VPS13D: variants seen among roughly 807,000 people sequenced by gnomAD.
The protein encoded by VPS13D is intermembrane lipid transfer protein VPS13D.
Under a neutral mutation model 461.9 loss-of-function variants are expected in VPS13D, and 187 were observed. The observed-to-expected ratio is 0.40, with a 90% confidence interval of 0.36 to 0.46. VPS13D has a LOEUF of 0.46. VPS13D is among the 20% of genes least tolerant of loss of function. The probability of loss-of-function intolerance (pLI) is 0.60; values close to 1 mark genes in which losing one functional copy is unlikely to be tolerated. For missense variants in VPS13D, 4,711 were observed against 5,364.9 expected, an observed-to-expected ratio of 0.88 and a Z score of 3.81; for synonymous variants, 1,951 against 1,986.3, an observed-to-expected ratio of 0.98 and a Z score of 0.47.
At chr1:12,377,205 A>G (rs981216580) in intron 55 of VPS13D, among the ~76,000 whole-genome samples, 4 of 151,734 alleles carry the variant, frequency 2.6e-5, no homozygotes, top group African/African-American at 4.8e-5. Flanking sequence ...GATTACAGGC[A>G]TGCGCCACCA....
intron 24 of VPS13D, among the ~76,000 whole-genome samples, chr1:12,298,850 TC>T (rs146704312): frequency 0.028 from 4,260 of 152,290 alleles, 110 homozygotes; most frequent in African/African-American, 0.061. Flanking sequence ...TTTATTGCTT[TC>T]TAAAGTCGTG....
chr1:12,471,971 C>T (rs1645568794), intron 67 of VPS13D, among the ~76,000 whole-genome samples: 1 of 152,126 alleles, frequency 6.6e-6, no homozygotes, highest in Non-Finnish European at 1.5e-5. Flanking sequence ...AAACACTCTT[C>T]TGTATGTGTA....
intron 41 of VPS13D, 58 bp downstream of exon 41, chr1:12,341,943 C>A (rs1329172384): frequency 6.4e-7 from 1 of 1,561,826 alleles, no homozygotes; most frequent in African/African-American, 1.4e-5. Flanking sequence ...CTTCTTGTGC[C>A]AGCCCAGTAG....
chr1:12,447,535 T>C (rs1645208542), intron 65 of VPS13D, among the ~76,000 whole-genome samples: 1 of 152,188 alleles, frequency 6.6e-6, no homozygotes, highest in African/African-American at 2.4e-5. Flanking sequence ...CCTTACCTAC[T>C]CTGCCACACA....
At chr1:12,458,962 A>C (rs890572562) in intron 66 of VPS13D, among the ~76,000 whole-genome samples, 6 of 152,226 alleles carry the variant, frequency 3.9e-5, no homozygotes, top group African/African-American at 1.4e-4. Context: ...GCCAGCTTTC[A>C]CAGCTTTTTG....
chr1:12,244,193 A>G, intron 3 of VPS13D, 53 bp from the exon 4 acceptor site: 1 of 1,527,132 alleles, frequency 6.5e-7, no homozygotes, highest in South Asian at 1.3e-5. Context: ...CAAAAAATGG[A>G]AAGAATTAAA....
Position 12,283,116 on chromosome 1 carries a change from C to T in VPS13D, c.5014C>T (p.Leu1672=), listed in dbSNP as rs1330854347. The T allele has an allele frequency of 6.2e-7, 1 of 1,614,136 alleles. No individual in the cohort carries two copies. The highest frequency in any genetic ancestry group is 8.5e-7 in the Non-Finnish European group (1 of 1,180,016). The change falls in exon 21 of 70, where the codon CTG becomes TTG. Residue 1672 remains leucine (L), a synonymous_variant. Transcript: ENST00000620676. ...LSIQIALHSL[L]MEDLLEKNPD... ...TATTCAGATTGCCCTGCATTCTCTG[C>T]TGATGGAGGACTTATTGGAGAAGAA... is the stretch of plus-strand genomic sequence containing the variant.
At chr1:12,254,993 T>A (rs1002565428) in intron 7 of VPS13D, among the ~76,000 whole-genome samples, 5 of 152,018 alleles carry the variant, frequency 3.3e-5, no homozygotes, top group Non-Finnish European at 7.4e-5. Flanking sequence ...TTGCCCGGGC[T>A]GGAGTGCAGT....
At chr1:12,368,440 T>C in intron 52 of VPS13D, 28 bp from the exon 53 acceptor site, 1 of 1,581,816 alleles carries the variant, frequency 6.3e-7, no homozygotes, top group Non-Finnish European at 8.6e-7. Context: ...ACATTTTATG[T>C]AGCCTCTTTT....
intron 60 of VPS13D, among the ~76,000 whole-genome samples, chr1:12,388,100 A>G (rs1342827048): frequency 6.6e-6 from 1 of 152,228 alleles, no homozygotes; most frequent in African/African-American, 2.4e-5. Context: ...AGTAAGAGTG[A>G]GATTCTTATC....
In VPS13D at chr1:12,315,242, G is replaced by T. The variant is rs545240595; in HGVS notation, c.7148+915G>T. On this transcript the variant is annotated intron_variant, in intron 30 of 69. Coordinates refer to ENST00000620676, the MANE Select transcript of VPS13D (RefSeq NM_015378.4). Reference sequence around the variant, plus strand: ...GTAAAAAGATTGTGAAAAACTTTGTGTTTAAGCAAAAAACAGAACAAAAAG... The same window carrying T: ...GTAAAAAGATTGTGAAAAACTTTGTTTTTAAGCAAAAAACAGAACAAAAAG... Among the ~76,000 whole-genome samples the T allele has an allele frequency of 8.5e-5, 13 of 152,278 alleles. No individual in the cohort carries two copies. In the East Asian group the frequency reaches 2.5e-3, roughly 29 times the overall value.
intron 68 of VPS13D, among the ~76,000 whole-genome samples, chr1:12,504,404 T>C (rs1464145287): frequency 6.6e-6 from 1 of 152,192 alleles, no homozygotes; most frequent in Non-Finnish European, 1.5e-5. Context: ...TCCAGAAATA[T>C]GTTATTATCA....
At chr1:12,401,094 G>T (rs1213456423) in intron 61 of VPS13D, among the ~76,000 whole-genome samples, 1 of 151,954 alleles carries the variant, frequency 6.6e-6, no homozygotes, top group African/African-American at 2.4e-5. Flanking sequence ...TTTACCAAAA[G>T]CAGATAGTTA....
At position 12,277,500 on chromosome 1, in the gene VPS13D, G is replaced by C; in HGVS notation, c.3912G>C (p.Thr1304=). The C allele has an allele frequency of 6.2e-7, 1 of 1,614,082 alleles. No individual in the cohort carries two copies. The highest frequency in any genetic ancestry group is 8.5e-7 in the Non-Finnish European group (1 of 1,180,022). The change falls in exon 19 of 70, where the codon ACG becomes ACC. Residue 1304 remains threonine, a synonymous_variant. Transcript: ENST00000620676. ...CTGCTAAGTTTTTGAAGGAGTTGACGTTATCCATGGATGAACTGGAAGAAA... is the reference window on the plus strand; with the variant it reads ...CTGCTAAGTTTTTGAAGGAGTTGACCTTATCCATGGATGAACTGGAAGAAA... The part of the protein sequence containing the change: ...NHSAKFLKEL[T]LSMDELEENF...
intron 65 of VPS13D, among the ~76,000 whole-genome samples, chr1:12,430,772 G>A (rs753797847): frequency 2.0e-5 from 3 of 152,222 alleles, no homozygotes; most frequent in Non-Finnish European, 4.4e-5. Context: ...GCCAGATTGT[G>A]TGAATGCTTG....
At chr1:12,325,068 A>C (rs931503972) in intron 35 of VPS13D, among the ~76,000 whole-genome samples, 1 of 151,914 alleles carries the variant, frequency 6.6e-6, no homozygotes, top group African/African-American at 2.4e-5. Context: ...CACAGGCTGC[A>C]TTTCCTTCCA....
At chr1:12,443,218 AC>A (rs1645151231) in intron 65 of VPS13D, among the ~76,000 whole-genome samples, 1 of 152,234 alleles carries the variant, frequency 6.6e-6, no homozygotes, top group Non-Finnish European at 1.5e-5. Context: ...TTTTTAACTC[AC>A]ATATAAGTCA....
At chr1:12,402,526 A>C (rs1370025854) in intron 62 of VPS13D, 1 of 152,268 alleles carries the variant, frequency 6.6e-6, no homozygotes, top group Non-Finnish European at 1.5e-5. Context: ...GTACATACAT[A>C]CACACAATGC....
chr1:12,293,512 C>T lies in VPS13D; in HGVS notation c.5853-12C>T, dbSNP rs1298218843. On this transcript the variant is annotated splice_polypyrimidine_tract_variant and intron_variant, in intron 23 of 69. Coordinates refer to ENST00000620676, the MANE Select transcript of VPS13D (RefSeq NM_015378.4). ...GCTGTTATCTGAGTCACACTTTTAT[C>T]CTAATTTTTAGATACGGACGGCCTG... The T allele has an allele frequency of 6.3e-7, 1 of 1,585,742 alleles. No individual in the cohort carries two copies. Among genetic ancestry groups the T allele is most frequent in the Non-Finnish European group, 8.6e-7 (1 of 1,163,500 alleles).
Sources: gnomAD v4.1 joint callset for allele counts (sites outside exome capture counted in the v4.1 genomes callset) on GRCh38, gnomAD v4.1.1 for gene constraint, MANE v1.5 for transcripts, NCBI Gene and HGNC (gene_info 2026-07-23, HGNC 2026-07-21) for gene names.